RASSF3: variants seen among roughly 807,000 people sequenced by gnomAD.
RASSF3 encodes ras association domain-containing protein 3.
A neutral mutation model predicts 19.9 loss-of-function variants in RASSF3; 19 were observed. The observed-to-expected ratio is 0.96, with a 90% CI of 0.67 to 1.40. The LOEUF is 1.40. RASSF3 is among the 40% of genes most tolerant of loss of function. RASSF3 has a pLI of 0.00. For synonymous variants in RASSF3, 110 were observed against 104.2 expected (o/e 1.06, Z -0.34); for missense variants, 306 against 289.8 (o/e 1.06, Z -0.41).
intron 1 of RASSF3, among the ~76,000 whole-genome samples, chr12:64,620,579 T>G (rs1870719142): frequency 6.6e-6 from 1 of 152,230 alleles, no homozygotes; most frequent in Non-Finnish European, 1.5e-5. Flanking sequence ...GCTGCTTGAT[T>G]TCAGCTGTCA....
chr12:64,620,479 G>T (rs1870715179), intron 1 of RASSF3, among the ~76,000 whole-genome samples: 1 of 152,080 alleles, frequency 6.6e-6, no homozygotes, highest in Non-Finnish European at 1.5e-5. Context: ...AGTTGCTATA[G>T]AATCATATGG....
chr12:64,507,629 A>G (rs1462708567), intron 1 of RASSF3, among the ~76,000 whole-genome samples: 1 of 152,196 alleles, frequency 6.6e-6, no homozygotes, highest in East Asian at 1.9e-4. Flanking sequence ...GTATTTAAAA[A>G]CAACAAAAAC....
intron 1 of RASSF3, among the ~76,000 whole-genome samples, chr12:64,630,582 A>G (rs1352690612): frequency 6.6e-6 from 1 of 152,138 alleles, no homozygotes; most frequent in African/African-American, 2.4e-5. Context: ...TGTTCTTTTT[A>G]CTCCCAGGAC....
At chr12:64,670,538 C>T (rs1373087057) in intron 1 of RASSF3, among the ~76,000 whole-genome samples, 2 of 128,156 alleles carry the variant, frequency 1.6e-5, no homozygotes, top group Non-Finnish European at 3.4e-5. Context: ...CGGTTTCTCT[C>T]TCTCTCTTTT....
chr12:64,623,951 ATTTCTGTTTTAGAATTGC>A lies in RASSF3; in HGVS notation c.111+13214_111+13231del, dbSNP rs554058033. On this transcript the variant is annotated intron_variant, in intron 1 of 4. Coordinates refer to ENST00000542104, the MANE Select transcript of RASSF3 (RefSeq NM_178169.4). Reference sequence around the variant, plus strand: ...GGGGTGAGCCACCATGTCCGGCCATATTTCTGTTTTAGAATTGCTTTCTTGCTTTTCCTCTGACCAGAT... The same window carrying A: ...GGGGTGAGCCACCATGTCCGGCCATATTTCTTGCTTTTCCTCTGACCAGAT... 3.4e-3 allele frequency among the ~76,000 whole-genome samples: 515 copies of A among 151,888 alleles called. 11 individuals carry two copies. The highest frequency in any genetic ancestry group is 0.012 in the African/African-American group (494 of 41,242).
chr12:64,608,889 T>C (rs1870242714), upstream of RASSF3, among the ~76,000 whole-genome samples: 1 of 152,226 alleles, frequency 6.6e-6, no homozygotes, highest in East Asian at 1.9e-4. Flanking sequence ...TATATGGAGT[T>C]AGAATTCCTG....
At chr12:64,639,950 C>G (rs2136181453) in intron 1 of RASSF3, among the ~76,000 whole-genome samples, 1 of 152,312 alleles carries the variant, frequency 6.6e-6, no homozygotes, top group African/African-American at 2.4e-5. Flanking sequence ...CGTGAAAGAT[C>G]TCCTTGACAT....
intron 2 of RASSF3, among the ~76,000 whole-genome samples, chr12:64,577,538 C>T (rs1490009462): frequency 6.6e-6 from 1 of 152,142 alleles, no homozygotes; most frequent in Non-Finnish European, 1.5e-5. Flanking sequence ...GGAGACCAGC[C>T]TGGCCAACAT....
chr12:64,660,018 G>A (rs1032568929), intron 1 of RASSF3, among the ~76,000 whole-genome samples: 5 of 146,080 alleles, frequency 3.4e-5, no homozygotes, highest in African/African-American at 1.3e-4. Context: ...ATATATATGT[G>A]TGTGTGTGTA....
intron 2 of RASSF3, among the ~76,000 whole-genome samples, chr12:64,594,648 A>G (rs1869972184): frequency 6.6e-6 from 1 of 152,164 alleles, no homozygotes; most frequent in Non-Finnish European, 1.5e-5. Context: ...ACTTTGGTAT[A>G]GCGATTATTT....
intron 1 of RASSF3, among the ~76,000 whole-genome samples, chr12:64,621,018 C>G (rs1870740381): frequency 6.6e-6 from 1 of 152,120 alleles, no homozygotes; most frequent in South Asian, 2.1e-4. Context: ...TTACTGCAAC[C>G]TCCGCCTCCC....
intron 1 of RASSF3, among the ~76,000 whole-genome samples, chr12:64,644,622 A>G (rs532270130): frequency 3.2e-4 from 48 of 152,106 alleles, no homozygotes; most frequent in Middle Eastern, 3.4e-3. Flanking sequence ...ACCTGAGCCC[A>G]GGAGGTTGAG....
chr12:64,549,481 A>G (rs35112648), intron 2 of RASSF3, among the ~76,000 whole-genome samples: 7 of 152,144 alleles, frequency 4.6e-5, no homozygotes, highest in Non-Finnish European at 7.4e-5. Flanking sequence ...TATAGCAGCA[A>G]TTACTAGATT....
In RASSF3 at chr12:64,569,383, G is replaced by A. The variant is rs139376769; in HGVS notation, c.294+27678G>A. Among the ~76,000 whole-genome samples, 1,456 of 152,330 alleles carry A rather than the reference G, an allele frequency of 9.6e-3. 15 individuals carry two copies. The highest frequency in any genetic ancestry group is 0.041 in the Middle Eastern group (12 of 294). On this transcript the variant is annotated intron_variant, in intron 2 of 5. Transcript: ENST00000637125. ...CTGGTAGAGGGCAGGCTGGATTTCA[G>A]CCTCTTCTTGGCCTCCAGCCAGCTG...
upstream of RASSF3, among the ~76,000 whole-genome samples, chr12:64,531,353 C>T (rs1868705112): frequency 6.6e-6 from 1 of 152,192 alleles, no homozygotes; most frequent in Non-Finnish European, 1.5e-5. Context: ...TATTGAAAAT[C>T]AGTTGACCAA....
chr12:64,554,852 T>G (rs1298129665), intron 2 of RASSF3, among the ~76,000 whole-genome samples: 1 of 152,232 alleles, frequency 6.6e-6, no homozygotes, highest in Non-Finnish European at 1.5e-5. Flanking sequence ...TCTCAGTCCC[T>G]GGCACATAGT....
chr12:64,581,930 C>T (rs1207654770), intron 2 of RASSF3, among the ~76,000 whole-genome samples: 3 of 151,746 alleles, frequency 2.0e-5, no homozygotes, highest in East Asian at 1.9e-4. Context: ...TGCAGTGGCA[C>T]GATCTTGGCT....
At chr12:64,680,683 G>C (rs1283678774) in intron 1 of RASSF3, among the ~76,000 whole-genome samples, 1 of 151,706 alleles carries the variant, frequency 6.6e-6, no homozygotes, top group Non-Finnish European at 1.5e-5. Flanking sequence ...GCGTGATCTC[G>C]GCTTACTGCG....
At chr12:64,663,566 G>C (rs1373210541) in intron 1 of RASSF3, among the ~76,000 whole-genome samples, 2 of 151,452 alleles carry the variant, frequency 1.3e-5, no homozygotes, top group Non-Finnish European at 2.9e-5. Flanking sequence ...CTGTCACCCA[G>C]GCTGGAGTGC....
Sources: allele counts gnomAD v4.1 joint callset (sites outside exome capture counted in the v4.1 genomes callset), GRCh38; gene constraint gnomAD v4.1.1; transcripts MANE v1.5; gene names NCBI Gene and HGNC (gene_info 2026-07-23, HGNC 2026-07-21).